Variants in NKX6-1 observed in about 807,000 individuals in gnomAD.
NKX6-1 encodes the protein NK6 homeobox 1.
A neutral mutation model predicts 24.9 loss-of-function variants in NKX6-1; 11 were observed. The observed-to-expected ratio is 0.44, with a 90% CI of 0.28 to 0.73. The LOEUF is 0.73. Among genes scored for constraint, NKX6-1 ranks in the 30% least tolerant of loss-of-function variants. The pLI is 0.15. For missense variants in NKX6-1, 487 were observed against 502.9 expected (o/e 0.97, Z 0.30); for synonymous variants, 277 against 242.9 (o/e 1.14, Z -1.31).
At chr4:84,494,315 C>T (rs760740719) in intron 2 of NKX6-1, among the ~76,000 whole-genome samples, 4 of 152,074 alleles carry the variant, frequency 2.6e-5, no homozygotes, top group Admixed American at 2.6e-4. Context: ...CATTATTTTC[C>T]ACAATTGGCA....
At position 84,492,078 on chromosome 4, in the gene NKX6-1, C is replaced by A. The variant is rs1179585457; in HGVS notation, c.*1211G>T. ...TGCAAAGGGGGTTTTCTTCTCTTTA[C>A]AAACCGAATTCCTTATATAAATTAA... On this transcript the variant is annotated 3_prime_UTR_variant, in exon 3 of 3. Transcript: ENST00000295886. 6.6e-6 allele frequency: 1 copy of A among 152,088 alleles called. No homozygotes were observed. The highest frequency in any genetic ancestry group is 2.4e-5 in the African/African-American group (1 of 41,398). 9.4% of individuals were successfully genotyped at this position (152,088 alleles called of 1,614,324 possible). A position where few individuals can be genotyped will look rare whatever the true frequency, so the allele number is the denominator to read the frequency against.
chr4:84,497,707 C>A lies in NKX6-1; in HGVS notation c.522G>T (p.Gly174=). ...SSLSPPPPPP[G]LYFSPSAAAV... is the part of the protein sequence containing the mutation. Reference sequence around the variant, plus strand: ...CCGCGGCGCTGGGGCTGAAGTAGAGCCCGGGCGGCGGCGGCGGCGGGCTCA... The same window carrying A: ...CCGCGGCGCTGGGGCTGAAGTAGAGACCGGGCGGCGGCGGCGGCGGGCTCA... The change falls in exon 1 of 3, where the codon GGG becomes GGT. Residue 174 remains glycine, a synonymous_variant. Transcript: ENST00000295886. This position sits in a 1 kb window ranked among gnomAD's most constrained non-coding sequence, Gnocchi z 4.8. 2 of 1,266,198 alleles carry A rather than the reference C, an allele frequency of 1.6e-6. No individual in the cohort carries two copies. Among genetic ancestry groups the A allele is most frequent in the Non-Finnish European group, 2.0e-6 (2 of 1,003,020 alleles). 78.4% of individuals were successfully genotyped at this position (1,266,198 alleles called of 1,614,324 possible).
Position 84,492,477 on chromosome 4 carries a change from G to C in NKX6-1, c.*812C>G, listed in dbSNP as rs1299305033. On this transcript the variant is annotated 3_prime_UTR_variant, in exon 3 of 3. Coordinates refer to ENST00000295886, the MANE Select transcript of NKX6-1 (RefSeq NM_006168.3). ...CGGGAGCGCAGTGTAGATCCAGGGGGTGGGCAGGGCAGGGCAGGGCGAGAA... is the reference window on the plus strand; with the variant it reads ...CGGGAGCGCAGTGTAGATCCAGGGGCTGGGCAGGGCAGGGCAGGGCGAGAA... 1 of 151,892 alleles carries C rather than the reference G, an allele frequency of 6.6e-6. No individual in the cohort carries two copies. The highest frequency in any genetic ancestry group is 2.4e-5 in the African/African-American group (1 of 41,204). 9.4% of individuals were successfully genotyped at this position (151,892 alleles called of 1,614,324 possible).
At position 84,493,315 on chromosome 4, in the gene NKX6-1, C is replaced by A. The variant is rs778694904; in HGVS notation, c.1078G>T (p.Ala360Ser). 1.9e-6 allele frequency: 3 copies of A among 1,608,280 alleles called. No individual in the cohort carries two copies. Among genetic ancestry groups the A allele is most frequent in the Admixed American group, 1.7e-5 (1 of 59,946 alleles). The change falls in exon 3 of 3, where the codon GCG becomes TCG. Residue 360 changes from alanine (A) to serine (S), a missense_variant. Transcript: ENST00000295886. The surrounding 1 kb of genome is among the most constrained non-coding windows in gnomAD (Gnocchi z 5.1). ...CAGGATGAGCTCTCCGGCTCGGACG[C>A]GTGCAGTAGGAGGCCGCCGCCGCCG... ...SGGGGGLLLH[A>S]SEPESSS
rs1298496721 is a variant in NKX6-1 at position 84,495,720 on chromosome 4, C to T, written c.795G>A (p.Glu265=). 1.2e-6 allele frequency: 2 copies of T among 1,613,104 alleles called. No individual in the cohort carries two copies. The highest frequency in any genetic ancestry group is 1.7e-6 in the Non-Finnish European group (2 of 1,180,054). Residue 265 remains glutamate, a synonymous_variant, in exon 2 of 3, where the codon GAG becomes GAA. Coordinates refer to ENST00000295886, the MANE Select transcript of NKX6-1 (RefSeq NM_006168.3). ...FEQTKYLAGP[E]RARLAYSLGM... The stretch of plus-strand genomic sequence containing the variant: ...CCAACGAATAGGCCAAACGAGCCCT[C>T]TCGGGCCCCGCCAAGTATTTTGTTT...
In NKX6-1 at chr4:84,497,432, G is replaced by C; in HGVS notation, c.670+127C>G. On this transcript the variant is annotated intron_variant, in intron 1 of 2. Transcript: ENST00000295886. The surrounding 1 kb of genome is among the most constrained non-coding windows in gnomAD (Gnocchi z 4.8). ...GGCCCAACCTAACTGGTGTGATTCC[G>C]GCGCTGTCAAACTACTGGGGCGGGC... The C allele has an allele frequency of 4.1e-6, 5 of 1,211,622 alleles. No individual in the cohort carries two copies. The highest frequency in any genetic ancestry group is 1.6e-5 in the African/African-American group (1 of 63,882). The allele number at this position is 1,211,622 out of a possible 1,614,324, so 75.1% of individuals were successfully genotyped here. A position where few individuals can be genotyped will look rare whatever the true frequency, so the allele number is the denominator to read the frequency against.
intron 2 of NKX6-1, 151 bp downstream of exon 2, chr4:84,495,520 TG>T: frequency 2.9e-6 from 2 of 687,844 alleles, no homozygotes; most frequent in East Asian, 2.6e-5. Flanking sequence ...CCTCCTTCAC[TG>T]CTCTCAACTT....
At position 84,498,343 on chromosome 4, in the gene NKX6-1, C is replaced by G. The variant is rs899831415; in HGVS notation, c.-115G>C. The G allele has an allele frequency of 2.0e-5, 24 of 1,171,756 alleles. No individual in the cohort carries two copies. Among genetic ancestry groups the G allele is most frequent in the African/African-American group, 3.2e-5 (2 of 63,320 alleles). 72.6% of individuals were successfully genotyped at this position (1,171,756 alleles called of 1,614,324 possible). The stretch of plus-strand genomic sequence containing the variant: ...CGCGAGCGGAGAGGCACTCGGCGCG[C>G]CCGGAGGCGAGCTGCCAACTGAACC... On this transcript the variant is annotated 5_prime_UTR_variant, in exon 1 of 3. Coordinates refer to ENST00000295886, the MANE Select transcript of NKX6-1 (RefSeq NM_006168.3).
In NKX6-1 at chr4:84,498,818, C is replaced by A. The variant is rs1720883610; in HGVS notation, c.-590G>T. 6.6e-6 allele frequency among the ~76,000 whole-genome samples: 1 copy of A among 152,190 alleles called. No individual in the cohort carries two copies. The highest frequency in any genetic ancestry group is 1.5e-5 in the Non-Finnish European group (1 of 68,044). On this transcript the variant is annotated 5_prime_UTR_variant, in exon 1 of 3. Transcript: ENST00000295886. ...GTGCCCGGGGAGAAAGCGCATCCAGCCCGCGGGAGATCTAGCCTCTGTGCG... is the reference window on the plus strand; with the variant it reads ...GTGCCCGGGGAGAAAGCGCATCCAGACCGCGGGAGATCTAGCCTCTGTGCG...
chr4:84,494,331 A>G (rs1720780480), intron 2 of NKX6-1, among the ~76,000 whole-genome samples: 1 of 152,214 alleles, frequency 6.6e-6, no homozygotes, highest in Non-Finnish European at 1.5e-5. Flanking sequence ...TGGCATGTCT[A>G]TTCTTTCAAA....
At position 84,493,254 on chromosome 4, in the gene NKX6-1, G is replaced by A; in HGVS notation, c.*35C>T. On this transcript the variant is annotated 3_prime_UTR_variant, in exon 3 of 3. Coordinates refer to ENST00000295886, the MANE Select transcript of NKX6-1 (RefSeq NM_006168.3). This position sits in a 1 kb window ranked among gnomAD's most constrained non-coding sequence, Gnocchi z 5.1. ...CGCCCCTCGCGGCCCCAGAGGTGGA[G>A]GCCGGAGCCGGGAAGGTGCGGCGGG... 1 of 1,530,088 alleles carries A rather than the reference G, an allele frequency of 6.5e-7. No homozygotes were observed. The allele number at this position is 1,530,088 out of a possible 1,614,324, so 94.8% of individuals were successfully genotyped here. A position where few individuals can be genotyped will look rare whatever the true frequency, so the allele number is the denominator to read the frequency against.
Position 84,493,453 on chromosome 4 carries a change from T to G in NKX6-1, c.940A>C (p.Lys314Gln). The G allele has an allele frequency of 6.2e-7, 1 of 1,614,238 alleles. No individual in the cohort carries two copies. Among genetic ancestry groups the G allele is most frequent in the Non-Finnish European group, 8.5e-7 (1 of 1,180,038 alleles). The change falls in exon 3 of 3, where the codon AAG becomes CAG. Residue 314 changes from lysine to glutamine, a missense_variant. By Grantham distance (53) the Lys-to-Gln change is moderately conservative. Transcript: ENST00000295886. The surrounding 1 kb of genome is among the most constrained non-coding windows in gnomAD (Gnocchi z 5.1). ...KKQDSETERL[K>Q]GASENEEEDD... ...TCTTCCTCGTTCTCCGAGGCCCCCT[T>G]GAGGCGCTCTGTCTCCGAGTCCTGC...
intron 1 of NKX6-1, among the ~76,000 whole-genome samples, chr4:84,496,092 G>T (rs1029827652): frequency 3.3e-5 from 5 of 152,034 alleles, no homozygotes. Flanking sequence ...CAACACCGAC[G>T]TCAAACAGCT....
At position 84,493,200 on chromosome 4, in the gene NKX6-1, G is replaced by A. The variant is rs909532848; in HGVS notation, c.*89C>T. 24 of 1,241,638 alleles carry A rather than the reference G, an allele frequency of 1.9e-5. No homozygotes were observed. The African/African-American group carries it at 2.9e-4, about 15-fold the overall frequency. The allele number at this position is 1,241,638 out of a possible 1,614,324, so 76.9% of individuals were successfully genotyped here. A position where few individuals can be genotyped will look rare whatever the true frequency, so the allele number is the denominator to read the frequency against. Reference sequence around the variant, plus strand: ...CCGGGTCCTCCGGGCCCCGAGGAGCGGGCAGGCGCGGCGTGCACGCGGTCC... The same window carrying A: ...CCGGGTCCTCCGGGCCCCGAGGAGCAGGCAGGCGCGGCGTGCACGCGGTCC... On this transcript the variant is annotated 3_prime_UTR_variant, in exon 3 of 3. Coordinates refer to ENST00000295886, the MANE Select transcript of NKX6-1 (RefSeq NM_006168.3). This position sits in a 1 kb window ranked among gnomAD's most constrained non-coding sequence, Gnocchi z 5.1.
chr4:84,495,895 G>A, intron 1 of NKX6-1, 51 bp from the exon 2 acceptor site: 1 of 1,584,030 alleles, frequency 6.3e-7, no homozygotes, highest in Middle Eastern at 1.7e-4. Flanking sequence ...TCGGTTACAA[G>A]CGGCTGCACT....
At chr4:84,495,890 T>C (rs1720809760) in intron 1 of NKX6-1, 46 bp from the exon 2 acceptor site, 1 of 1,595,652 alleles carries the variant, frequency 6.3e-7, no homozygotes, top group Non-Finnish European at 8.6e-7. Flanking sequence ...AACAATCGGT[T>C]ACAAGCGGCT....
rs1349007586 is a variant in NKX6-1 at position 84,497,945 on chromosome 4, G to T, written c.284C>A (p.Pro95Gln). Reference protein sequence around the residue: ...SPPQQLSAATPHGINDILSRP... With the variant: ...SPPQQLSAATQHGINDILSRP... ...GCTCAGGATATCGTTGATGCCGTGT[G>T]GGGTGGCGGCCGAGAGCTGCTGCGG... The change falls in exon 1 of 3, where the codon CCA becomes CAA. Residue 95 changes from proline (P) to glutamine (Q), a missense_variant. This residue lies in a region of NKX6-1 where 316 missense variants were observed against 311.4 expected (regional missense o/e 1.01). Transcript: ENST00000295886. This position sits in a 1 kb window ranked among gnomAD's most constrained non-coding sequence, Gnocchi z 4.8. The T allele has an allele frequency of 2.3e-6, 3 of 1,300,600 alleles. No homozygotes were observed. Among genetic ancestry groups the T allele is most frequent in the Admixed American group, 3.1e-5 (1 of 32,294 alleles). 80.6% of individuals were successfully genotyped at this position (1,300,600 alleles called of 1,614,324 possible).
In NKX6-1 at chr4:84,497,568, A is replaced by T. The variant is rs1578469119; in HGVS notation, c.661T>A (p.Cys221Ser). The T allele has an allele frequency of 7.9e-7, 1 of 1,262,456 alleles. No homozygotes were observed. Among genetic ancestry groups the T allele is most frequent in the East Asian group, 3.1e-5 (1 of 31,938 alleles). 78.2% of individuals were successfully genotyped at this position (1,262,456 alleles called of 1,614,324 possible). The change falls in exon 1 of 3, where the codon TGT becomes AGT. Residue 221 changes from cysteine to serine, a missense_variant. Coordinates refer to ENST00000295886, the MANE Select transcript of NKX6-1 (RefSeq NM_006168.3). This position sits in a 1 kb window ranked among gnomAD's most constrained non-coding sequence, Gnocchi z 4.8. Reference protein sequence around the residue: ...SPPWRDARLACTPHQGSILLD... With the variant: ...SPPWRDARLASTPHQGSILLD... ...GGGTGGTAGTACTCACGAGGGGTACAGGCCAGGCGTGCGTCCCTCCAGGGC... is the reference window on the plus strand; with the variant it reads ...GGGTGGTAGTACTCACGAGGGGTACTGGCCAGGCGTGCGTCCCTCCAGGGC...
At position 84,497,778 on chromosome 4, in the gene NKX6-1, A is replaced by G; in HGVS notation, c.451T>C (p.Ser151Pro). ...CCGGCCAGCAGCCCCGCCGGGGATG[A>G]GGCGGCGGCTGCGGCCGCGGCAGCA... ...AAAAAAAAAA[S>P]SPAGLLAGLP... Residue 151 changes from serine to proline, a missense_variant, in exon 1 of 3, where the codon TCA becomes CCA. Around this residue, in one of 3 missense-constraint regions of NKX6-1, gnomAD observed 316 missense variants for 311.4 expected, o/e 1.01. Transcript: ENST00000295886. The surrounding 1 kb of genome is among the most constrained non-coding windows in gnomAD (Gnocchi z 4.8). 1.6e-6 allele frequency: 2 copies of G among 1,273,452 alleles called. No individual in the cohort carries two copies. The highest frequency in any genetic ancestry group is 2.0e-6 in the Non-Finnish European group (2 of 1,013,448). 78.9% of individuals were successfully genotyped at this position (1,273,452 alleles called of 1,614,324 possible). A position where few individuals can be genotyped will look rare whatever the true frequency, so the allele number is the denominator to read the frequency against.
Sources: allele counts gnomAD v4.1 joint callset (sites outside exome capture counted in the v4.1 genomes callset), GRCh38; gene constraint gnomAD v4.1.1; regional missense constraint gnomAD v4.1.1; non-coding constraint Gnocchi (gnomAD v3.1); transcripts MANE v1.5; gene names NCBI Gene and HGNC (gene_info 2026-07-23, HGNC 2026-07-21).